ARMC1: variants seen among roughly 807,000 people sequenced by gnomAD.
The protein encoded by ARMC1 is armadillo repeat-containing protein 1.
Under a neutral mutation model 31.4 loss-of-function variants are expected in ARMC1, and 16 were observed. The ratio of observed to expected loss-of-function variants is 0.51; its 90% confidence interval spans 0.34 to 0.77. The LOEUF (loss-of-function observed/expected upper bound fraction) is 0.77, where lower values mean the gene tolerates loss of function less well. Among genes scored for constraint, ARMC1 ranks in the 30% least tolerant of loss-of-function variants. The pLI is 0.01. For missense variants in ARMC1, 259 were observed against 347.5 expected, an observed-to-expected ratio of 0.75 and a Z score of 2.02; for synonymous variants, 114 against 118.9, an observed-to-expected ratio of 0.96 and a Z score of 0.27.
intron 3 of ARMC1, among the ~76,000 whole-genome samples, chr8:65,617,922 G>T (rs113931490): frequency 0.12 from 18,118 of 150,196 alleles, 1,258 homozygotes; most frequent in Middle Eastern, 0.17. Flanking sequence ...TTTTCGGCGG[G>T]GGGGGAGGGA....
intron 3 of ARMC1, among the ~76,000 whole-genome samples, chr8:65,620,856 A>G (rs1808380335): frequency 6.6e-6 from 1 of 151,050 alleles, no homozygotes. Flanking sequence ...TAATTCCAGC[A>G]CTTTGGGAGG....
intron 4 of ARMC1, among the ~76,000 whole-genome samples, chr8:65,611,919 G>A (rs1808151108): frequency 1.3e-5 from 2 of 151,622 alleles, no homozygotes; most frequent in South Asian, 2.1e-4. Context: ...GACTACAGGC[G>A]CACCACCATG....
rs113706063 is a variant in ARMC1 at position 65,618,857 on chromosome 8, T to C, written c.275+3406A>G. On this transcript the variant is annotated intron_variant, in intron 3 of 6. Coordinates refer to ENST00000276569, the MANE Select transcript of ARMC1 (RefSeq NM_018120.6). The stretch of plus-strand genomic sequence containing the variant: ...AGGAGACCGAGACCATCCTGACTAA[T>C]GCAGTGAAACCCCATTTCTACTAAA... Among the ~76,000 whole-genome samples the C allele has an allele frequency of 2.4e-3, 363 of 151,284 alleles. 3 individuals are homozygous for C. Among genetic ancestry groups the C allele is most frequent in the Non-Finnish European group, 3.2e-3 (219 of 67,726 alleles).
At chr8:65,612,402 A>C (rs975291296) in intron 4 of ARMC1, among the ~76,000 whole-genome samples, 1 of 151,768 alleles carries the variant, frequency 6.6e-6, no homozygotes, top group African/African-American at 2.4e-5. Flanking sequence ...CCTGCAGTAG[A>C]CTATGATTGT....
intron 3 of ARMC1, among the ~76,000 whole-genome samples, chr8:65,616,244 T>C (rs1808253025): frequency 6.6e-6 from 1 of 152,146 alleles, no homozygotes; most frequent in African/African-American, 2.4e-5. Context: ...CTGATTCTCC[T>C]GCCTCAGCCT....
chr8:65,630,309 T>C (rs1163910149), intron 1 of ARMC1, among the ~76,000 whole-genome samples: 1 of 152,162 alleles, frequency 6.6e-6, no homozygotes, highest in Non-Finnish European at 1.5e-5. Flanking sequence ...AACTATAAAT[T>C]ACCAATTTAC....
intron 3 of ARMC1, among the ~76,000 whole-genome samples, chr8:65,619,425 G>C (rs1808344878): frequency 6.6e-6 from 1 of 151,818 alleles, no homozygotes; most frequent in Non-Finnish European, 1.5e-5. Flanking sequence ...GTAGTCCCAG[G>C]TACTCAGAAG....
chr8:65,610,417 C>T (rs1044575834), intron 4 of ARMC1, among the ~76,000 whole-genome samples: 8 of 145,240 alleles, frequency 5.5e-5, no homozygotes, highest in South Asian at 2.3e-4. Flanking sequence ...AATTTAAGGC[C>T]GGCTGCAGTG....
intron 4 of ARMC1, 71 bp downstream of exon 4, chr8:65,613,173 A>G: frequency 8.1e-7 from 1 of 1,239,868 alleles, no homozygotes; most frequent in Admixed American, 2.6e-5. Context: ...ATTCTCAAAG[A>G]CTGTTAGCAA....
At chr8:65,623,884 A>AC (rs1224132597) in intron 2 of ARMC1, among the ~76,000 whole-genome samples, 2 of 120,470 alleles carry the variant, frequency 1.7e-5, no homozygotes, top group African/African-American at 3.3e-5. Context: ...TGCAACCTCC[A>AC]CCCCCCGAGT....
At chr8:65,626,907 T>C (rs906573605) in intron 2 of ARMC1, among the ~76,000 whole-genome samples, 9 of 151,498 alleles carry the variant, frequency 5.9e-5, no homozygotes, top group African/African-American at 2.2e-4. Flanking sequence ...CCCAGCTACT[T>C]GGGAGGCTGA....
At position 65,626,006 on chromosome 8, in the gene ARMC1, A is replaced by T. The variant is rs1271789374; in HGVS notation, c.183+1210T>A. ...TGGGTTCAAGGGATTCTCCTGCCTC[A>T]GCCTCCTGAGTAGCTGGGATTTCAG... On this transcript the variant is annotated intron_variant, in intron 2 of 6. Coordinates refer to ENST00000276569, the MANE Select transcript of ARMC1 (RefSeq NM_018120.6). Among the ~76,000 whole-genome samples the T allele has an allele frequency of 3.3e-5, 5 of 150,590 alleles. No homozygotes were observed. In the Admixed American group the frequency reaches 3.3e-4, roughly 10 times the overall value.
In ARMC1 at chr8:65,605,323, T is replaced by A. The variant is rs147256476; in HGVS notation, c.597A>T (p.Ala199=). The change falls in exon 6 of 7, where the codon GCA becomes GCT. Residue 199 remains alanine (A), a synonymous_variant. Transcript: ENST00000276569. Reference sequence around the variant, plus strand: ...CTTTCATAACCTTGGTTGATGCTATTGCTGATGCCAAAGCCTAAGCCAAGA... The same window carrying A: ...CTTTCATAACCTTGGTTGATGCTATAGCTGATGCCAAAGCCTAAGCCAAGA... ...SDLKAEALAS[A]IASTKVMKAQ... The A allele has an allele frequency of 3.7e-5, 60 of 1,613,854 alleles. No homozygotes were observed. The highest frequency in any genetic ancestry group is 4.7e-5 in the Non-Finnish European group (56 of 1,179,970).
At chr8:65,610,716 C>T (rs1289782921) in intron 4 of ARMC1, among the ~76,000 whole-genome samples, 1 of 151,724 alleles carries the variant, frequency 6.6e-6, no homozygotes, top group Admixed American at 6.6e-5. Context: ...AATTTAAAAA[C>T]CAATGATTTC....
chr8:65,621,116 AC>A (rs913946912), intron 3 of ARMC1, among the ~76,000 whole-genome samples: 40 of 152,102 alleles, frequency 2.6e-4, no homozygotes, highest in African/African-American at 9.7e-4. Flanking sequence ...AACCAAACAA[AC>A]AAAAAAACCC....
chr8:65,626,709 G>A (rs922101863), intron 2 of ARMC1, among the ~76,000 whole-genome samples: 2 of 152,078 alleles, frequency 1.3e-5, no homozygotes, highest in African/African-American at 4.8e-5. Flanking sequence ...CATGGAGTAT[G>A]CAACAATTTG....
chr8:65,609,466 A>C (rs1043437202), intron 4 of ARMC1, among the ~76,000 whole-genome samples: 3 of 152,190 alleles, frequency 2.0e-5, no homozygotes, highest in Admixed American at 2.0e-4. Flanking sequence ...CCCCACTTCC[A>C]GTAAGATAGC....
intron 3 of ARMC1, among the ~76,000 whole-genome samples, chr8:65,620,041 G>A (rs1412433165): frequency 6.6e-6 from 1 of 151,482 alleles, no homozygotes; most frequent in Non-Finnish European, 1.5e-5. Flanking sequence ...AGGAGGCTAA[G>A]GCAGGAGGAT....
intron 3 of ARMC1, among the ~76,000 whole-genome samples, chr8:65,621,085 G>A (rs567317400): frequency 2.0e-5 from 3 of 152,220 alleles, no homozygotes; most frequent in African/African-American, 7.2e-5. Flanking sequence ...GCAACAGAGC[G>A]AGACCCTGTC....
Sources: gnomAD v4.1 joint callset for allele counts (sites outside exome capture counted in the v4.1 genomes callset) on GRCh38, gnomAD v4.1.1 for gene constraint, MANE v1.5 for transcripts, NCBI Gene and HGNC (gene_info 2026-07-23, HGNC 2026-07-21) for gene names.